Variants in POR observed in about 807,000 individuals in gnomAD.
POR encodes NADPH--cytochrome P450 reductase.
POR carries 56 observed loss-of-function variants against 84.0 expected under a neutral mutation model. The observed-to-expected ratio is 0.67, with a 90% confidence interval of 0.54 to 0.83. The LOEUF (loss-of-function observed/expected upper bound fraction) is 0.83, where lower values mean the gene tolerates loss of function less well. POR is among the 40% of genes least tolerant of loss of function. The pLI, the probability that POR is intolerant of heterozygous loss-of-function variation, is 0.00. For synonymous variants in POR, 414 were observed against 400.5 expected, an observed-to-expected ratio of 1.03 and a Z score of -0.40; for missense variants, 938 against 944.3, an observed-to-expected ratio of 0.99 and a Z score of 0.09.
chr7:75,956,800 A>T (rs549687119), intron 2 of POR, among the ~76,000 whole-genome samples: 2 of 151,674 alleles, frequency 1.3e-5, no homozygotes, highest in South Asian at 4.2e-4. Flanking sequence ...ATCTCGGCTC[A>T]CTGCAACCTC....
intron 2 of POR, among the ~76,000 whole-genome samples, chr7:75,959,347 A>G (rs890329944): frequency 6.6e-6 from 1 of 152,184 alleles, no homozygotes; most frequent in Non-Finnish European, 1.5e-5. Flanking sequence ...GATTTCTGTT[A>G]TAGCCACAGA....
chr7:75,939,189 A>G (rs1035945417), intron 1 of POR, among the ~76,000 whole-genome samples: 11 of 152,212 alleles, frequency 7.2e-5, no homozygotes, highest in Non-Finnish European at 1.6e-4. Context: ...TGCTGCACGC[A>G]TGGACGTAAG....
At chr7:75,964,779 A>G (rs1372232752) in intron 2 of POR, among the ~76,000 whole-genome samples, 1 of 152,148 alleles carries the variant, frequency 6.6e-6, no homozygotes, top group Non-Finnish European at 1.5e-5. Flanking sequence ...AATACCAGCT[A>G]CTTGGGAGGC....
intron 1 of POR, among the ~76,000 whole-genome samples, chr7:75,949,402 C>T (rs1214949088): frequency 6.6e-6 from 1 of 152,000 alleles, no homozygotes; most frequent in Non-Finnish European, 1.5e-5. Flanking sequence ...GATCCACCCG[C>T]CTCGGCCTCC....
At chr7:75,953,945 C>A in intron 1 of POR, 44 bp from the exon 2 acceptor site, 2 of 1,475,222 alleles carry the variant, frequency 1.4e-6, no homozygotes, top group South Asian at 1.3e-5. Flanking sequence ...TCAGGGGCAC[C>A]CTGCTACCCT....
At chr7:75,948,148 G>A (rs1013677063) in intron 1 of POR, among the ~76,000 whole-genome samples, 2 of 152,276 alleles carry the variant, frequency 1.3e-5, no homozygotes, top group South Asian at 2.1e-4. Flanking sequence ...AGCTGGGCCT[G>A]TTTCTCGTTT....
chr7:75,943,979 C>T (rs1787067642), intron 1 of POR: 2 of 421,710 alleles, frequency 4.7e-6, no homozygotes, highest in South Asian at 1.8e-5. Context: ...AAGGAAACCT[C>T]GACTCTTCAA....
At chr7:75,978,608 C>G (rs905681581) in intron 3 of POR, among the ~76,000 whole-genome samples, 1 of 152,242 alleles carries the variant, frequency 6.6e-6, no homozygotes, top group Non-Finnish European at 1.5e-5. Context: ...ACCACAACCT[C>G]TGCCTCCCAG....
At chr7:75,953,317 G>C (rs1787535815) in intron 1 of POR, among the ~76,000 whole-genome samples, 1 of 134,148 alleles carries the variant, frequency 7.5e-6, no homozygotes, top group Non-Finnish European at 1.6e-5. Context: ...TGGAAAGAGG[G>C]AGGGGGAGGG....
chr7:75,985,618 G>A lies in POR; in HGVS notation c.1438G>A (p.Glu480Lys), dbSNP rs782764147. ...TGTGCACATCTGTGCGGTGGTTGTG[G>A]AGTACGAGACCAAGGCTGGCCGCAT... The change falls in exon 13 of 16, where the codon GAG (glutamate) becomes AAG (lysine). Residue 480 changes from glutamate (E) to lysine (K), a missense_variant. Physicochemically the swap from Glu to Lys is moderately conservative, Grantham distance 56. Transcript: ENST00000461988. 5 of 1,585,868 alleles carry A rather than the reference G, an allele frequency of 3.2e-6. No individual in the cohort carries two copies. Among genetic ancestry groups the A allele is most frequent in the Non-Finnish European group, 4.3e-6 (5 of 1,165,080 alleles).
chr7:75,948,741 A>C (rs1554552394), intron 1 of POR, among the ~76,000 whole-genome samples: 1 of 152,230 alleles, frequency 6.6e-6, no homozygotes, highest in African/African-American at 2.4e-5. Context: ...TGCTCATTAT[A>C]TGCCAGTCTG....
At chr7:75,955,272 A>G (rs1554553594) in intron 2 of POR, among the ~76,000 whole-genome samples, 2 of 152,234 alleles carry the variant, frequency 1.3e-5, no homozygotes, top group African/African-American at 2.4e-5. Flanking sequence ...CCTTTTAAGA[A>G]TAAGTGAAAA....
chr7:75,931,654 C>T (rs1807427822), intron 1 of POR, among the ~76,000 whole-genome samples: 2 of 152,130 alleles, frequency 1.3e-5, no homozygotes, highest in South Asian at 4.1e-4. Flanking sequence ...CAGGTGTGAG[C>T]CTCCGCACCT....
At chr7:75,937,678 A>G (rs186388749) in intron 1 of POR, among the ~76,000 whole-genome samples, 1 of 151,748 alleles carries the variant, frequency 6.6e-6, no homozygotes, top group African/African-American at 2.4e-5. Context: ...GCTACTCGGG[A>G]GGCTGAGGCA....
At chr7:75,917,557 T>C (rs1806634201) in intron 1 of POR, among the ~76,000 whole-genome samples, 1 of 152,084 alleles carries the variant, frequency 6.6e-6, no homozygotes, top group Non-Finnish European at 1.5e-5. Flanking sequence ...ATTGAGCATG[T>C]TGGGATTTAA....
chr7:75,975,068 C>G (rs1352599492), intron 3 of POR, among the ~76,000 whole-genome samples: 1 of 152,136 alleles, frequency 6.6e-6, no homozygotes, highest in Non-Finnish European at 1.5e-5. Context: ...TACAGAGTCA[C>G]CTATATGATT....
intron 1 of POR, among the ~76,000 whole-genome samples, chr7:75,937,463 C>A (rs1338107450): frequency 6.0e-5 from 7 of 117,640 alleles, no homozygotes; most frequent in African/African-American, 2.0e-4. Flanking sequence ...AAGAGCCAGA[C>A]CCTGTCTCAA....
chr7:75,983,853 GA>G lies in POR; in HGVS notation c.1064del (p.Asp355ValfsTer66). On this transcript the variant is annotated frameshift_variant and splice_region_variant, in exon 10 of 16. Coordinates refer to ENST00000461988, the MANE Select transcript of POR (RefSeq NM_000941.3). LOFTEE classifies it high-confidence loss of function. ...CGTCGTCATGTCCCTGAACAACCTG[GA>G]TGGTGAGTGCCACAGTCAGGGCGCC... 1 of 1,603,788 alleles carries G rather than the reference GA, an allele frequency of 6.2e-7. No individual in the cohort carries two copies. The highest frequency in any genetic ancestry group is 8.5e-7 in the Non-Finnish European group (1 of 1,175,256).
In POR at chr7:75,984,890, C is replaced by T; in HGVS notation, c.1180C>T (p.Gln394Ter). 6.2e-7 allele frequency: 1 copy of T among 1,612,424 alleles called. No homozygotes were observed. Among genetic ancestry groups the T allele is most frequent in the Non-Finnish European group, 8.5e-7 (1 of 1,179,690 alleles). Residue 394 changes from glutamine to a stop codon, truncating the protein, a stop_gained, in exon 11 of 16, where the codon CAG (glutamine) becomes TAG (stop). Coordinates refer to ENST00000461988, the MANE Select transcript of POR (RefSeq NM_000941.3). LOFTEE classifies it high-confidence loss of function. ...TACCAACGTGCTGTACGAGCTGGCGCAGTACGCCTCGGAGCCCTCGGAGCA... is the reference window on the plus strand; with the variant it reads ...TACCAACGTGCTGTACGAGCTGGCGTAGTACGCCTCGGAGCCCTCGGAGCA...
Sources: allele counts gnomAD v4.1 joint callset (sites outside exome capture counted in the v4.1 genomes callset), GRCh38; gene constraint gnomAD v4.1.1; transcripts MANE v1.5; gene names NCBI Gene and HGNC (gene_info 2026-07-23, HGNC 2026-07-21).